The following GNAQ variants were observed in gnomAD, a reference collection of about 807,000 sequenced individuals.
GNAQ encodes the protein G protein subunit alpha q.
In GNAQ, 8 loss-of-function variants were observed where a neutral mutation model predicts 43.9. That is an observed-to-expected ratio of 0.18 (90% CI 0.11 to 0.33). GNAQ has a LOEUF of 0.33. Among genes scored for constraint, GNAQ ranks in the 10% least tolerant of loss-of-function variants. GNAQ has a pLI of 1.00. For synonymous variants in GNAQ, 155 were observed against 170.7 expected, an observed-to-expected ratio of 0.91 and a Z score of 0.71; for missense variants, 158 against 450.8, an observed-to-expected ratio of 0.35 and a Z score of 5.88.
At chr9:77,975,362 A>G (rs969649093) in intron 1 of GNAQ, among the ~76,000 whole-genome samples, 3 of 152,154 alleles carry the variant, frequency 2.0e-5, no homozygotes, top group African/African-American at 7.2e-5. Context: ...GCTTTATTCA[A>G]ACTGTACCAG....
chr9:77,786,924 C>T (rs561373495), intron 5 of GNAQ, among the ~76,000 whole-genome samples: 2 of 152,200 alleles, frequency 1.3e-5, no homozygotes, highest in South Asian at 4.2e-4. Context: ...AAATTGGAAA[C>T]ACATCCAGAA....
intron 1 of GNAQ, among the ~76,000 whole-genome samples, chr9:78,029,956 T>C (rs964997480): frequency 6.6e-6 from 1 of 152,190 alleles, no homozygotes; most frequent in Non-Finnish European, 1.5e-5. Flanking sequence ...CACTGTGGCT[T>C]GTATATGAAC....
chr9:77,985,680 G>A (rs935443633), intron 1 of GNAQ, among the ~76,000 whole-genome samples: 2 of 152,000 alleles, frequency 1.3e-5, no homozygotes, highest in South Asian at 2.1e-4. Flanking sequence ...TCTGCCTCCC[G>A]GGTTCAAGCG....
chr9:78,021,891 G>A (rs1823914881), intron 1 of GNAQ, among the ~76,000 whole-genome samples: 1 of 152,274 alleles, frequency 6.6e-6, no homozygotes, highest in Non-Finnish European at 1.5e-5. Flanking sequence ...AGCAGCGCTG[G>A]AACACTGCGT....
At chr9:78,002,120 T>G (rs951068230) in intron 1 of GNAQ, among the ~76,000 whole-genome samples, 1 of 152,336 alleles carries the variant, frequency 6.6e-6, no homozygotes, top group African/African-American at 2.4e-5. Context: ...CCTTTGACAT[T>G]AGCAGTCAAC....
chr9:77,790,483 T>C (rs1199659456), intron 5 of GNAQ, among the ~76,000 whole-genome samples: 2 of 152,220 alleles, frequency 1.3e-5, no homozygotes, highest in South Asian at 2.1e-4. Context: ...AGGAAATGCA[T>C]ATTTTAGACT....
chr9:77,956,356 C>A (rs1564162306), intron 1 of GNAQ, among the ~76,000 whole-genome samples: 2 of 152,308 alleles, frequency 1.3e-5, no homozygotes, highest in South Asian at 4.1e-4. Flanking sequence ...TCCTAGCTAT[C>A]TTGTTATGAC....
chr9:77,980,881 C>T (rs1236578394), intron 1 of GNAQ, among the ~76,000 whole-genome samples: 1 of 152,154 alleles, frequency 6.6e-6, no homozygotes, highest in Non-Finnish European at 1.5e-5. Flanking sequence ...TTTCAAGCTC[C>T]ACCTCTCACA....
intron 1 of GNAQ, among the ~76,000 whole-genome samples, chr9:77,995,979 A>G: frequency 6.6e-6 from 1 of 152,234 alleles, no homozygotes. Flanking sequence ...ATTTGCACAC[A>G]GAAAGAAGAC....
intron 1 of GNAQ, among the ~76,000 whole-genome samples, chr9:77,970,544 T>C (rs530092379): frequency 4.6e-5 from 7 of 152,252 alleles, no homozygotes; most frequent in African/African-American, 7.2e-5. Context: ...TTTAAAAACA[T>C]AGACTAAGAT....
Position 77,728,671 on chromosome 9 carries a change from GAAA to G in GNAQ, c.736-7_736-5del, listed in dbSNP as rs5898555. 3.2e-5 allele frequency: 42 copies of G among 1,327,966 alleles called. No individual in the cohort carries two copies. Among genetic ancestry groups the G allele is most frequent in the South Asian group, 5.3e-5 (4 of 75,154 alleles). 82.3% of individuals were successfully genotyped at this position (1,327,966 alleles called of 1,614,324 possible). On this transcript the variant is annotated splice_polypyrimidine_tract_variant and splice_region_variant and intron_variant, in intron 5 of 6. Transcript: ENST00000286548. The stretch of plus-strand genomic sequence containing the variant: ...CCTTGCTTTCCTCCATTCGGTTCTG[GAAA>G]AAAAAAAAAAATCAGAAAAAACAAG...
Position 77,910,634 on chromosome 9 carries a change from A to AT in GNAQ, c.321+11526dup, listed in dbSNP as rs61537040. 3.2e-3 allele frequency among the ~76,000 whole-genome samples: 460 copies of AT among 145,310 alleles called. 1 individual carries two copies. The highest frequency in any genetic ancestry group is 8.9e-3 in the African/African-American group (356 of 39,852). ...AATCAGTAATGTTCCTTAGAGTGCT[A>AT]TTTTTTTTTTTTAATCAGCCATATC... On this transcript the variant is annotated intron_variant, in intron 2 of 6. Coordinates refer to ENST00000286548, the MANE Select transcript of GNAQ (RefSeq NM_002072.5).
At chr9:77,997,950 G>C (rs373774304) in intron 1 of GNAQ, among the ~76,000 whole-genome samples, 1 of 152,318 alleles carries the variant, frequency 6.6e-6, no homozygotes, top group African/African-American at 2.4e-5. Flanking sequence ...GGAGCTGGCG[G>C]AAAGAACTGC....
rs1364972564 is a variant in GNAQ, at chr9:77,721,167, T to C, written c.*156A>G. On this transcript the variant is annotated 3_prime_UTR_variant, in exon 7 of 7. Coordinates refer to ENST00000286548, the MANE Select transcript of GNAQ (RefSeq NM_002072.5). ...CCTCTGAATAGTTTAAATAAAATCA[T>C]AATATTTACTACAAACTCTGTGGAC... 4 of 539,838 alleles carry C rather than the reference T, an allele frequency of 7.4e-6. No individual in the cohort carries two copies. The highest frequency in any genetic ancestry group is 1.9e-5 in the African/African-American group (1 of 51,694). 33.4% of individuals were successfully genotyped at this position (539,838 alleles called of 1,614,324 possible).
intron 1 of GNAQ, among the ~76,000 whole-genome samples, chr9:78,002,644 C>G (rs1024594284): frequency 6.6e-6 from 1 of 152,170 alleles, no homozygotes; most frequent in Middle Eastern, 3.2e-3. Flanking sequence ...ACAATCTTAC[C>G]CGCAGGTAAA....
intron 1 of GNAQ, 119 bp from the exon 2 acceptor site, chr9:77,922,464 C>T: frequency 1.5e-6 from 1 of 686,718 alleles, no homozygotes; most frequent in African/African-American, 1.8e-5. Flanking sequence ...AGAGGAGCGA[C>T]TCTAGAATTG....
intron 1 of GNAQ, among the ~76,000 whole-genome samples, chr9:78,029,826 A>C (rs2118627341): frequency 6.6e-6 from 1 of 152,342 alleles, no homozygotes; most frequent in South Asian, 2.1e-4. Flanking sequence ...TTTCTTACAG[A>C]AATGTTTGAG....
At chr9:77,791,157 G>T (rs910121540) in intron 5 of GNAQ, among the ~76,000 whole-genome samples, 1 of 152,140 alleles carries the variant, frequency 6.6e-6, no homozygotes, top group Non-Finnish European at 1.5e-5. Flanking sequence ...ATTCAAAGAG[G>T]ACATGGAGGA....
intron 2 of GNAQ, among the ~76,000 whole-genome samples, chr9:77,898,040 T>C (rs1327788556): frequency 1.3e-5 from 2 of 151,942 alleles, no homozygotes; most frequent in African/African-American, 4.8e-5. Context: ...CAAAATTTAT[T>C]CAGAATTATC....
Sources: allele counts gnomAD v4.1 joint callset (sites outside exome capture counted in the v4.1 genomes callset), GRCh38; gene constraint gnomAD v4.1.1; transcripts MANE v1.5; gene names NCBI Gene and HGNC (gene_info 2026-07-23, HGNC 2026-07-21).